Variants in CACNA2D3 observed in about 807,000 individuals in gnomAD.
The protein encoded by CACNA2D3 is voltage-dependent calcium channel subunit alpha-2/delta-3.
A neutral mutation model predicts 160.6 loss-of-function variants in CACNA2D3; 60 were observed. The observed-to-expected ratio is 0.37, with a 90% CI of 0.30 to 0.46. CACNA2D3 has a LOEUF of 0.46. CACNA2D3 is among the 20% of genes least tolerant of loss of function. The pLI, the probability that CACNA2D3 is intolerant of heterozygous loss-of-function variation, is 1.00. For synonymous variants in CACNA2D3, 558 were observed against 492.9 expected, an observed-to-expected ratio of 1.13 and a Z score of -1.75; for missense variants, 1,205 against 1,365.0, an observed-to-expected ratio of 0.88 and a Z score of 1.85.
rs181622994 is a variant in CACNA2D3 at position 54,416,598 on chromosome 3, T to C, written c.381+29824T>C. The stretch of plus-strand genomic sequence containing the variant: ...AAAAGCTGATTCTTTCTTTAAAAAA[T>C]ACTTATAGCTTAATCATAGGAGATT... On this transcript the variant is annotated intron_variant, in intron 4 of 37. Transcript: ENST00000474759. 3.6e-3 allele frequency among the ~76,000 whole-genome samples: 554 copies of C among 152,308 alleles called. 2 individuals are homozygous for C. Among genetic ancestry groups the C allele is most frequent in the Non-Finnish European group, 6.1e-3 (414 of 68,018 alleles).
At chr3:54,502,574 A>G (rs1018977781) in intron 4 of CACNA2D3, among the ~76,000 whole-genome samples, 9 of 152,124 alleles carry the variant, frequency 5.9e-5, no homozygotes, top group South Asian at 4.1e-4. Context: ...TAGTTATTTT[A>G]AGGTTCTGCT....
At chr3:54,141,531 G>A (rs1473551101) in intron 2 of CACNA2D3, among the ~76,000 whole-genome samples, 2 of 152,184 alleles carry the variant, frequency 1.3e-5, no homozygotes, top group Non-Finnish European at 2.9e-5. Context: ...AGAAGGAGAG[G>A]CAGAGGGGCT....
At chr3:54,546,326 A>G (rs1702064139) in intron 5 of CACNA2D3, among the ~76,000 whole-genome samples, 1 of 152,170 alleles carries the variant, frequency 6.6e-6, no homozygotes, top group African/African-American at 2.4e-5. Context: ...TAATATTTTG[A>G]AAGGTATTTT....
At chr3:54,997,486 G>A (rs554656391) in intron 31 of CACNA2D3, among the ~76,000 whole-genome samples, 4 of 152,086 alleles carry the variant, frequency 2.6e-5, no homozygotes, top group Non-Finnish European at 5.9e-5. Context: ...GGAAGTGCTT[G>A]AGCTCAGGAG....
chr3:54,284,899 G>T (rs995575490), intron 2 of CACNA2D3, among the ~76,000 whole-genome samples: 2 of 152,190 alleles, frequency 1.3e-5, no homozygotes, highest in Non-Finnish European at 2.9e-5. Context: ...GACATTAATA[G>T]TGCTTTCGAT....
intron 2 of CACNA2D3, among the ~76,000 whole-genome samples, chr3:54,160,677 A>G (rs1700328478): frequency 6.6e-6 from 1 of 152,144 alleles, no homozygotes; most frequent in African/African-American, 2.4e-5. Context: ...CTTGTTGTCA[A>G]ATCTGGGAAG....
intron 14 of CACNA2D3, among the ~76,000 whole-genome samples, chr3:54,830,200 C>T (rs1449864618): frequency 1.3e-5 from 2 of 152,128 alleles, no homozygotes; most frequent in African/African-American, 4.8e-5. Flanking sequence ...GCCTTGGCCT[C>T]CCAAAGTGCT....
At chr3:54,847,750 GTCTTTT>G (rs1275294476) in intron 17 of CACNA2D3, among the ~76,000 whole-genome samples, 2 of 152,194 alleles carry the variant, frequency 1.3e-5, no homozygotes, top group Non-Finnish European at 2.9e-5. Flanking sequence ...AAAAGCGGCT[GTCTTTT>G]TAAAGACATT....
chr3:54,320,443 A>G lies in CACNA2D3; in HGVS notation c.206A>G (p.Lys69Arg), dbSNP rs1186335087. 2 of 1,501,348 alleles carry G rather than the reference A, an allele frequency of 1.3e-6. No homozygotes were observed. The highest frequency in any genetic ancestry group is 4.0e-5 in the Admixed American group (2 of 49,678). 93.0% of individuals were successfully genotyped at this position (1,501,348 alleles called of 1,614,324 possible). A position where few individuals can be genotyped will look rare whatever the true frequency, so the allele number is the denominator to read the frequency against. The change falls in exon 3 of 38, where the codon AAA becomes AGA. Residue 69 changes from lysine (K) to arginine (R), a missense_variant and splice_region_variant. This residue lies in a region of CACNA2D3 where 163 missense variants were observed against 161.3 expected (regional missense o/e 1.01). Transcript: ENST00000474759. ...GAATGTTGCCCTCTCTTCTTACAGA[A>G]ATACAAAGAGTATGAGAAAGACGTT... ...KYSGSQLLQK[K>R]YKEYEKDVAI... is the part of the protein sequence containing the mutation.
chr3:54,703,791 A>G (rs62257066), intron 11 of CACNA2D3, among the ~76,000 whole-genome samples: 6,243 of 152,326 alleles, frequency 0.041, 162 homozygotes, highest in Middle Eastern at 0.061. Flanking sequence ...ACAGTAGAGC[A>G]CAAAGGAAAG....
rs542022898 is a variant in CACNA2D3, at chr3:54,460,894, G to A, written c.382-42598G>A. The stretch of plus-strand genomic sequence containing the variant: ...TGCTTCCAGTTTTTGCCCATTCAGT[G>A]TGATATCGGCTGTGGGTTTGTCATA... On this transcript the variant is annotated intron_variant, in intron 4 of 37. Coordinates refer to ENST00000474759, the MANE Select transcript of CACNA2D3 (RefSeq NM_018398.3). Among the ~76,000 whole-genome samples the A allele has an allele frequency of 3.2e-3, 484 of 152,208 alleles. 6 individuals are homozygous for A. Among genetic ancestry groups the A allele is most frequent in the Middle Eastern group, 0.01 (3 of 294 alleles).
chr3:54,463,671 C>G (rs1371147273), intron 4 of CACNA2D3, among the ~76,000 whole-genome samples: 1 of 151,894 alleles, frequency 6.6e-6, no homozygotes, highest in African/African-American at 2.4e-5. Context: ...ATACATTCGT[C>G]TAAGTTTTTA....
At chr3:54,720,552 TA>T (rs552261777) in intron 11 of CACNA2D3, among the ~76,000 whole-genome samples, 15 of 151,258 alleles carry the variant, frequency 9.9e-5, no homozygotes, top group African/African-American at 3.4e-4. Flanking sequence ...TGAGCACTTG[TA>T]AAAAAAAATG....
At chr3:54,536,141 CA>C (rs2106651739) in intron 5 of CACNA2D3, among the ~76,000 whole-genome samples, 1 of 152,304 alleles carries the variant, frequency 6.6e-6, no homozygotes, top group South Asian at 2.1e-4. Context: ...ATCCAGTGTT[CA>C]GCCTTGACCT....
At chr3:54,475,809 T>TGTG (rs138448154) in intron 4 of CACNA2D3, among the ~76,000 whole-genome samples, 27 of 142,822 alleles carry the variant, frequency 1.9e-4, no homozygotes, top group African/African-American at 6.5e-4. Context: ...TGGTTACCAT[T>TGTG]TGTGTGTGTG....
At chr3:54,320,409 A>G (rs1226840530) in intron 2 of CACNA2D3, 33 bp from the exon 3 acceptor site, 2 of 1,092,380 alleles carry the variant, frequency 1.8e-6, no homozygotes, top group African/African-American at 1.6e-5. Flanking sequence ...TTACGGTGTC[A>G]TGTGTCTTGA....
At chr3:54,679,673 A>G (rs946970487) in intron 11 of CACNA2D3, among the ~76,000 whole-genome samples, 1 of 152,222 alleles carries the variant, frequency 6.6e-6, no homozygotes, top group Non-Finnish European at 1.5e-5. Context: ...TAGGAAATAG[A>G]TTCAGGACCA....
At chr3:54,726,593 C>A (rs1056341640) in intron 11 of CACNA2D3, among the ~76,000 whole-genome samples, 16 of 152,106 alleles carry the variant, frequency 1.1e-4, no homozygotes, top group African/African-American at 3.6e-4. Context: ...AGAACAGAGG[C>A]CTCGGAAATA....
intron 2 of CACNA2D3, among the ~76,000 whole-genome samples, chr3:54,270,209 A>G (rs1433925162): frequency 6.6e-6 from 1 of 152,236 alleles, no homozygotes; most frequent in Non-Finnish European, 1.5e-5. Flanking sequence ...GTAAATATAA[A>G]AGAGAAAGAG....
Sources: gnomAD v4.1 joint callset for allele counts (sites outside exome capture counted in the v4.1 genomes callset) on GRCh38, gnomAD v4.1.1 for gene constraint, gnomAD v4.1.1 regional missense constraint, MANE v1.5 for transcripts, NCBI Gene and HGNC (gene_info 2026-07-23, HGNC 2026-07-21) for gene names.